FUT8: variants seen among roughly 807,000 people sequenced by gnomAD.
FUT8 encodes the protein fucosyltransferase 8.
FUT8 carries 29 observed loss-of-function variants against 71.3 expected under a neutral mutation model. That is an observed-to-expected ratio of 0.41 (90% CI 0.30 to 0.55). The LOEUF is 0.55. Among genes scored for constraint, FUT8 ranks in the 20% least tolerant of loss-of-function variants. The pLI is 0.34. For missense variants in FUT8, 544 were observed against 702.1 expected, an observed-to-expected ratio of 0.77 and a Z score of 2.55; for synonymous variants, 254 against 239.3, an observed-to-expected ratio of 1.06 and a Z score of -0.57.
intron 2 of FUT8, among the ~76,000 whole-genome samples, chr14:65,548,216 G>GA (rs1234415889): frequency 6.6e-6 from 1 of 151,866 alleles, no homozygotes; most frequent in Non-Finnish European, 1.5e-5. Flanking sequence ...AGTTACTCTT[G>GA]AAGGGACTTT....
chr14:65,604,069 A>G (rs1888444594), intron 3 of FUT8, among the ~76,000 whole-genome samples: 2 of 151,710 alleles, frequency 1.3e-5, no homozygotes, highest in Non-Finnish European at 2.9e-5. Flanking sequence ...AATCCTAAAC[A>G]TATACACACC....
At chr14:65,499,498 T>A (rs984206634) in intron 2 of FUT8, among the ~76,000 whole-genome samples, 17 of 152,056 alleles carry the variant, frequency 1.1e-4, no homozygotes, top group Non-Finnish European at 2.5e-4. Flanking sequence ...TTTATAGGTG[T>A]GTTGATGATT....
intron 7 of FUT8, among the ~76,000 whole-genome samples, chr14:65,698,372 A>G (rs922351265): frequency 6.6e-6 from 1 of 152,192 alleles, no homozygotes; most frequent in Non-Finnish European, 1.5e-5. Context: ...AACAAGAATA[A>G]TATCTCTTTT....
At chr14:65,372,926 G>A in the FUT8 span, among the ~76,000 whole-genome samples, 1 of 152,090 alleles carries the variant, frequency 6.6e-6, no homozygotes, top group Non-Finnish European at 1.5e-5. Flanking sequence ...TTCTATTCCT[G>A]TATGAGAATG....
chr14:65,615,429 A>G (rs965947718), intron 3 of FUT8, among the ~76,000 whole-genome samples: 7 of 152,062 alleles, frequency 4.6e-5, no homozygotes, highest in South Asian at 2.1e-4. Flanking sequence ...AATATGTTTT[A>G]TCTTCTACTC....
At chr14:65,703,733 C>T (rs1285415740) in intron 7 of FUT8, among the ~76,000 whole-genome samples, 1 of 152,146 alleles carries the variant, frequency 6.6e-6, no homozygotes, top group Non-Finnish European at 1.5e-5. Flanking sequence ...GTAGGGTGAC[C>T]GTTGAAGCTA....
At chr14:65,505,019 C>T (rs1156609566) in intron 2 of FUT8, among the ~76,000 whole-genome samples, 1 of 152,162 alleles carries the variant, frequency 6.6e-6, no homozygotes, top group Non-Finnish European at 1.5e-5. Flanking sequence ...CTTACTGAGA[C>T]TACATTATTT....
At chr14:65,700,477 G>A (rs1445699044) in intron 7 of FUT8, among the ~76,000 whole-genome samples, 2 of 124,336 alleles carry the variant, frequency 1.6e-5, no homozygotes, top group South Asian at 2.8e-4. Flanking sequence ...TGCAAGCTCC[G>A]CCTCCTGCGT....
At chr14:65,470,018 G>T (rs1279935545) in intron 2 of FUT8, among the ~76,000 whole-genome samples, 1 of 152,228 alleles carries the variant, frequency 6.6e-6, no homozygotes, top group African/African-American at 2.4e-5. Flanking sequence ...GAGCCTGTCT[G>T]CTTCCTGCCA....
intron 2 of FUT8, among the ~76,000 whole-genome samples, chr14:65,533,898 C>G (rs1025941092): frequency 6.6e-6 from 1 of 152,118 alleles, no homozygotes; most frequent in East Asian, 1.9e-4. Context: ...TGGTTTTTGT[C>G]TGTAGTTATA....
chr14:65,447,571 A>AT (rs2065762048), intron 1 of FUT8, among the ~76,000 whole-genome samples: 1 of 151,880 alleles, frequency 6.6e-6, no homozygotes, highest in South Asian at 2.1e-4. Context: ...ACAAGATACC[A>AT]TTTTTTCAAA....
intron 3 of FUT8, among the ~76,000 whole-genome samples, chr14:65,591,964 CAT>C (rs1387511242): frequency 6.6e-6 from 1 of 150,664 alleles, no homozygotes; most frequent in Non-Finnish European, 1.5e-5. Flanking sequence ...AACTAAAAAA[CAT>C]GTAAACTCTA....
At chr14:65,415,568 T>G (rs1291120083) in intron 1 of FUT8, among the ~76,000 whole-genome samples, 2 of 152,200 alleles carry the variant, frequency 1.3e-5, no homozygotes, top group Admixed American at 1.3e-4. Context: ...AATTTTGTTT[T>G]TATAATAGCT....
intron 2 of FUT8, among the ~76,000 whole-genome samples, chr14:65,543,529 GGTGA>G (rs754213242): frequency 1.5e-3 from 230 of 151,996 alleles, no homozygotes; most frequent in Non-Finnish European, 2.7e-3. Context: ...AATGGAAGAG[GGTGA>G]GTGTTTTTTT....
chr14:65,438,690 A>T (rs1277535158), intron 1 of FUT8, among the ~76,000 whole-genome samples: 1 of 152,162 alleles, frequency 6.6e-6, no homozygotes, highest in Non-Finnish European at 1.5e-5. Flanking sequence ...TGCATTGCTG[A>T]ACCCACGATC....
chr14:65,380,736 C>G, the FUT8 span, among the ~76,000 whole-genome samples: 9,128 of 152,266 alleles, frequency 0.06, 325 homozygotes, highest in Admixed American at 0.11. Flanking sequence ...CCAATCTCAA[C>G]TTGGTTCACT....
chr14:65,414,274 A>ATT lies in FUT8; in HGVS notation c.-326+1069_-326+1070dup, dbSNP rs3842324. ...AAACTGTAGGCAGGTTTCATTATAG[A>ATT]TTTTTTTTTTCTTGTTATTCCGGCG... On this transcript the variant is annotated intron_variant, in intron 1 of 10. Coordinates refer to ENST00000673929, the MANE Select transcript of FUT8 (RefSeq NM_001371533.1). 8.0e-5 allele frequency among the ~76,000 whole-genome samples: 12 copies of ATT among 150,238 alleles called. No individual in the cohort carries two copies. The East Asian group carries it at 2.3e-3, about 29-fold the overall frequency.
chr14:65,510,191 A>T (rs1882240597), intron 2 of FUT8, among the ~76,000 whole-genome samples: 1 of 152,068 alleles, frequency 6.6e-6, no homozygotes, highest in Non-Finnish European at 1.5e-5. Flanking sequence ...TGAAATGGTC[A>T]TATGGTTTTT....
At chr14:65,524,435 C>G (rs937645610) in intron 2 of FUT8, among the ~76,000 whole-genome samples, 8 of 152,178 alleles carry the variant, frequency 5.3e-5, no homozygotes, top group African/African-American at 1.9e-4. Flanking sequence ...TATCCTGAGA[C>G]TTTGCTGAAG....
Sources: gnomAD v4.1 joint callset for allele counts (sites outside exome capture counted in the v4.1 genomes callset) on GRCh38, gnomAD v4.1.1 for gene constraint, MANE v1.5 for transcripts, NCBI Gene and HGNC (gene_info 2026-07-23, HGNC 2026-07-21) for gene names.